CDH8: variants seen among roughly 807,000 people sequenced by gnomAD.
CDH8 encodes cadherin-8.
In CDH8, 17 loss-of-function variants were observed where a neutral mutation model predicts 68.1. The observed-to-expected ratio is 0.25, with a 90% CI of 0.17 to 0.37. The LOEUF is 0.37. Among genes scored for constraint, CDH8 ranks in the 10% least tolerant of loss-of-function variants. The pLI is 1.00. For synonymous variants in CDH8, 372 were observed against 365.1 expected (o/e 1.02, Z -0.21); for missense variants, 763 against 999.3 (o/e 0.76, Z 3.19).
intron 2 of CDH8, among the ~76,000 whole-genome samples, chr16:61,931,838 T>C (rs1964544463): frequency 6.6e-6 from 1 of 152,052 alleles, no homozygotes; most frequent in Non-Finnish European, 1.5e-5. Context: ...AACACAAACA[T>C]GTTCGAGGGA....
intron 1 of CDH8, among the ~76,000 whole-genome samples, chr16:62,026,550 G>A (rs1030540701): frequency 1.3e-5 from 2 of 152,206 alleles, no homozygotes; most frequent in African/African-American, 2.4e-5. Flanking sequence ...AACCACCGCT[G>A]TGAATAAAGG....
chr16:61,649,675 C>A lies in CDH8; in HGVS notation c.*3933G>T, dbSNP rs546371573. On this transcript the variant is annotated 3_prime_UTR_variant, in exon 12 of 12. Transcript: ENST00000577390. ...TGGAACTTTCAATCAAAAAGGCAAT[C>A]AGAAGGTTATACATTCGTGAGATTC... 27 of 152,022 alleles carry A rather than the reference C, an allele frequency of 1.8e-4. No homozygotes were observed. Among genetic ancestry groups the A allele is most frequent in the African/African-American group, 6.3e-4 (26 of 41,508 alleles). 9.4% of individuals were successfully genotyped at this position (152,022 alleles called of 1,614,324 possible). A position where few individuals can be genotyped will look rare whatever the true frequency, so the allele number is the denominator to read the frequency against.
chr16:61,693,636 CAT>C (rs1964275221), intron 10 of CDH8: 1 of 152,058 alleles, frequency 6.6e-6, no homozygotes, highest in Non-Finnish European at 1.5e-5. Context: ...TTATTATTAT[CAT>C]ATGAGTTATG....
At chr16:61,828,519 A>G (rs1962391841) in intron 4 of CDH8, among the ~76,000 whole-genome samples, 1 of 151,842 alleles carries the variant, frequency 6.6e-6, no homozygotes, top group East Asian at 2.0e-4. Flanking sequence ...TGCATTCATG[A>G]CATTCATTTT....
At chr16:61,766,716 G>A (rs975089918) in intron 8 of CDH8, among the ~76,000 whole-genome samples, 22 of 151,832 alleles carry the variant, frequency 1.4e-4, no homozygotes, top group African/African-American at 4.6e-4. Flanking sequence ...AAGTAAGGTA[G>A]TATCTCATTT....
chr16:61,712,142 G>A (rs1366598689), intron 10 of CDH8, among the ~76,000 whole-genome samples: 2 of 151,576 alleles, frequency 1.3e-5, no homozygotes, highest in Non-Finnish European at 3.0e-5. Context: ...GCAGAATGAG[G>A]TATTCTAAAT....
At chr16:61,709,318 T>C (rs1964586526) in intron 10 of CDH8, among the ~76,000 whole-genome samples, 1 of 152,064 alleles carries the variant, frequency 6.6e-6, no homozygotes, top group Non-Finnish European at 1.5e-5. Context: ...TAGGTATACC[T>C]GGCTTAAGGC....
chr16:61,858,259 A>C (rs996757633), intron 3 of CDH8, among the ~76,000 whole-genome samples: 1 of 152,172 alleles, frequency 6.6e-6, no homozygotes, highest in South Asian at 2.1e-4. Flanking sequence ...ACATTTTCTA[A>C]CAGAGGTTGC....
chr16:61,973,185 A>G (rs975936949), intron 2 of CDH8, among the ~76,000 whole-genome samples: 35 of 152,134 alleles, frequency 2.3e-4, no homozygotes, highest in African/African-American at 8.0e-4. Context: ...CAGCAAGAAT[A>G]ACTTGTCTTC....
chr16:61,700,645 A>G (rs1256620434), intron 10 of CDH8, among the ~76,000 whole-genome samples: 1 of 152,102 alleles, frequency 6.6e-6, no homozygotes, highest in African/African-American at 2.4e-5. Flanking sequence ...TCCATTCCCA[A>G]TAACAATGTA....
At chr16:61,655,790 CTA>C in intron 10 of CDH8, 69 bp from the exon 11 acceptor site, 1 of 1,421,636 alleles carries the variant, frequency 7.0e-7, no homozygotes, top group Non-Finnish European at 9.7e-7. Context: ...ACTTGTTTTT[CTA>C]GTTCATGAAC....
intron 8 of CDH8, among the ~76,000 whole-genome samples, chr16:61,738,295 A>G (rs1959760990): frequency 6.6e-6 from 1 of 152,126 alleles, no homozygotes; most frequent in South Asian, 2.1e-4. Context: ...TGGGGAGAAA[A>G]TGTGCAGGTC....
rs573037644 is a variant in CDH8 at position 61,758,775 on chromosome 16, G to T, written c.1414+30571C>A. Among the ~76,000 whole-genome samples, 92 of 152,222 alleles carry T rather than the reference G, an allele frequency of 6.0e-4. 1 individual carries two copies. Among genetic ancestry groups the T allele is most frequent in the Non-Finnish European group, 5.0e-4 (34 of 68,010 alleles). On this transcript the variant is annotated intron_variant, in intron 8 of 11. Transcript: ENST00000577390. ...ATTCTCAAATTAAGAAAGAGTCTCA[G>T]TTCATAGATCAAATACATAATGGGG...
chr16:61,725,394 G>C (rs1567441592), intron 9 of CDH8: 1 of 150,784 alleles, frequency 6.6e-6, no homozygotes, highest in Admixed American at 6.6e-5. Flanking sequence ...TTGAGTTTTT[G>C]AAATATCAAT....
At chr16:61,843,147 G>A (rs189872614) in intron 4 of CDH8, among the ~76,000 whole-genome samples, 12 of 152,090 alleles carry the variant, frequency 7.9e-5, no homozygotes, top group African/African-American at 2.4e-4. Flanking sequence ...AAGATAATAA[G>A]GCTGGTATTT....
At chr16:61,868,499 A>G (rs891356508) in intron 3 of CDH8, among the ~76,000 whole-genome samples, 8 of 152,224 alleles carry the variant, frequency 5.3e-5, no homozygotes, top group African/African-American at 7.2e-5. Flanking sequence ...AAGGGTAGTC[A>G]TGACCTTGTC....
intron 2 of CDH8, among the ~76,000 whole-genome samples, chr16:61,905,115 C>T (rs967294159): frequency 3.9e-5 from 6 of 152,196 alleles, no homozygotes; most frequent in Non-Finnish European, 8.8e-5. Context: ...GCCAAAAAGG[C>T]TGGGGAAGGG....
chr16:61,929,093 T>A (rs577473613), intron 2 of CDH8, among the ~76,000 whole-genome samples: 2 of 152,080 alleles, frequency 1.3e-5, no homozygotes, highest in African/African-American at 4.8e-5. Flanking sequence ...GTATTTTTAG[T>A]AGAGACGAGG....
chr16:61,857,991 T>C (rs905776634), intron 3 of CDH8, among the ~76,000 whole-genome samples: 2 of 151,946 alleles, frequency 1.3e-5, no homozygotes, highest in African/African-American at 2.4e-5. Flanking sequence ...CAAATCTCTA[T>C]ACATTTTGAT....
Sources: gnomAD v4.1 joint callset for allele counts (sites outside exome capture counted in the v4.1 genomes callset) on GRCh38, gnomAD v4.1.1 for gene constraint, MANE v1.5 for transcripts, NCBI Gene and HGNC (gene_info 2026-07-23, HGNC 2026-07-21) for gene names.